Variants in INSC observed in about 807,000 individuals in gnomAD.
The protein encoded by INSC is protein inscuteable homolog.
Under a neutral mutation model 58.6 loss-of-function variants are expected in INSC, and 67 were observed. That is an observed-to-expected ratio of 1.14 (90% CI 0.94 to 1.40). INSC has a LOEUF of 1.40. INSC is among the 40% of genes most tolerant of loss of function. The probability of loss-of-function intolerance (pLI) is 0.00; values close to 1 mark genes in which losing one functional copy is unlikely to be tolerated. For missense variants in INSC, 714 were observed against 692.0 expected (o/e 1.03, Z -0.36); for synonymous variants, 262 against 276.1 (o/e 0.95, Z 0.51).
intron 1 of INSC, among the ~76,000 whole-genome samples, chr11:15,143,066 G>A (rs1848410570): frequency 6.6e-6 from 1 of 152,136 alleles, no homozygotes; most frequent in Non-Finnish European, 1.5e-5. Context: ...CATCCAGTCA[G>A]TGAGCAAGTG....
chr11:15,112,657 G>A (rs1175230378), upstream of INSC: 3 of 226,922 alleles, frequency 1.3e-5, no homozygotes, highest in African/African-American at 7.8e-5. Context: ...TGGGGGGGGG[G>A]CATTTATGCC....
intron 6 of INSC, among the ~76,000 whole-genome samples, chr11:15,191,752 G>C (rs954915442): frequency 2.0e-5 from 3 of 152,118 alleles, no homozygotes; most frequent in African/African-American, 7.2e-5. Context: ...CCACCAACTC[G>C]GAGGTTTGTT....
At chr11:15,235,454 G>T (rs1852084938) in intron 9 of INSC, 148 bp from the exon 10 acceptor site, 1 of 704,798 alleles carries the variant, frequency 1.4e-6, no homozygotes, top group Non-Finnish European at 2.6e-6. Context: ...AAGGATGGAA[G>T]AAAATGCCGT....
downstream of INSC, among the ~76,000 whole-genome samples, chr11:15,249,862 T>C (rs1181897466): frequency 1.3e-5 from 2 of 152,246 alleles, no homozygotes; most frequent in Non-Finnish European, 2.9e-5. Flanking sequence ...TATGTGGCCT[T>C]AGGCCTTCAT....
At position 15,177,144 on chromosome 11, in the gene INSC, C is replaced by A; in HGVS notation, c.436C>A (p.Leu146Ile). The A allele has an allele frequency of 6.2e-7, 1 of 1,614,074 alleles. No homozygotes were observed. Reference protein sequence around the residue: ...EKLLMEKCSELSAVTERCLQV... With the variant: ...EKLLMEKCSEISAVTERCLQV... ...GCTGCTAATGGAGAAATGCTCGGAG[C>A]TCTCGGCAGTCACAGAGAGGTAAAT... The change falls in exon 4 of 13, where the codon CTC becomes ATC. Residue 146 changes from leucine to isoleucine, a missense_variant. By Grantham distance (5) the Leu-to-Ile change is conservative. Transcript: ENST00000379556.
intron 1 of INSC, among the ~76,000 whole-genome samples, chr11:15,132,381 G>T (rs771371316): frequency 2.0e-5 from 3 of 152,216 alleles, no homozygotes; most frequent in Non-Finnish European, 4.4e-5. Context: ...AACCTCCTGG[G>T]CTCAAATGAT....
intron 7 of INSC, among the ~76,000 whole-genome samples, chr11:15,202,190 C>T (rs762793990): frequency 6.6e-6 from 1 of 152,018 alleles, no homozygotes; most frequent in Non-Finnish European, 1.5e-5. Flanking sequence ...AGAGTGCCCG[C>T]TTCCCACCGG....
At chr11:15,259,726 T>C in the INSC span, among the ~76,000 whole-genome samples, 1 of 152,188 alleles carries the variant, frequency 6.6e-6, no homozygotes, top group African/African-American at 2.4e-5. Flanking sequence ...TCAAAGAGAT[T>C]AGATGTTTTT....
intron 7 of INSC, among the ~76,000 whole-genome samples, chr11:15,217,012 T>C (rs1460928375): frequency 6.6e-6 from 1 of 152,220 alleles, no homozygotes; most frequent in Non-Finnish European, 1.5e-5. Flanking sequence ...ATGAGATTGG[T>C]ATTATTCCTG....
At chr11:15,139,109 A>G (rs1848311786) in intron 1 of INSC, among the ~76,000 whole-genome samples, 2 of 152,204 alleles carry the variant, frequency 1.3e-5, no homozygotes, top group Non-Finnish European at 2.9e-5. Flanking sequence ...CATTTTCCCA[A>G]GGGTATAAAG....
chr11:15,216,792 G>T lies in INSC; in HGVS notation c.820-4685G>T, dbSNP rs560629924. ...AGTGTGCAGAAAGGACTTCTGGAGA[G>T]AAGCCCAGTGAGGAGGCTGGGACAG... On this transcript the variant is annotated intron_variant, in intron 7 of 12. Transcript: ENST00000379556. Among the ~76,000 whole-genome samples the T allele has an allele frequency of 3.9e-5, 6 of 152,260 alleles. No individual in the cohort carries two copies. The South Asian group carries it at 1.0e-3, about 26-fold the overall frequency.
chr11:15,199,836 G>A (rs1054877993), intron 6 of INSC, among the ~76,000 whole-genome samples: 10 of 152,162 alleles, frequency 6.6e-5, no homozygotes, highest in African/African-American at 1.9e-4. Flanking sequence ...TGGGCAAAGC[G>A]AGATGTGGGA....
At chr11:15,114,716 C>G (rs58558919), upstream of INSC, among the ~76,000 whole-genome samples, 6,295 of 152,312 alleles carry the variant, frequency 0.041, 265 homozygotes, top group African/African-American at 0.11. Context: ...TGTTTCCCCC[C>G]CCAGGGGCAC....
rs530924963 is a variant in INSC at position 15,124,437 on chromosome 11, A to G, written c.-46+9434A>G. ...TTAGGCTCCTTATTCAGGTAGATAT[A>G]AGATAGACTGGGCTTTGCAGAGGTG... On this transcript the variant is annotated intron_variant, in intron 1 of 12. Transcript: ENST00000379556. Among the ~76,000 whole-genome samples, 35 of 152,314 alleles carry G rather than the reference A, an allele frequency of 2.3e-4. No individual in the cohort carries two copies. In the South Asian group the frequency reaches 6.4e-3, roughly 28 times the overall value.
chr11:15,170,804 A>G (rs1849370209), intron 2 of INSC, among the ~76,000 whole-genome samples: 1 of 152,172 alleles, frequency 6.6e-6, no homozygotes. Context: ...ATAGGGATAT[A>G]CAGACACACA....
At position 15,207,361 on chromosome 11, in the gene INSC, G is replaced by A. The variant is rs75933000; in HGVS notation, c.819+6412G>A. Among the ~76,000 whole-genome samples the A allele has an allele frequency of 8.6e-4, 131 of 152,264 alleles. 1 individual carries two copies. In the East Asian group the frequency reaches 0.024, roughly 28 times the overall value. On this transcript the variant is annotated intron_variant, in intron 7 of 12. Transcript: ENST00000379556. ...GTTCACTCTGTGCTGGAGCCAAGGG[G>A]GTAGTTTAATGAAAATCAATACAGA...
Position 15,190,823 on chromosome 11 carries a change from C to A in INSC, c.693+9C>A. ...GCCGCATCATAGCCAAGGTGAGCTTCATGGTTAGGGACCAAAATGGCAGGC... is the reference window on the plus strand; with the variant it reads ...GCCGCATCATAGCCAAGGTGAGCTTAATGGTTAGGGACCAAAATGGCAGGC... On this transcript the variant is annotated intron_variant, in intron 6 of 12. Coordinates refer to ENST00000379556, the MANE Select transcript of INSC (RefSeq NM_001042536.3). 6.3e-7 allele frequency: 1 copy of A among 1,595,934 alleles called. No individual in the cohort carries two copies. The highest frequency in any genetic ancestry group is 8.6e-7 in the Non-Finnish European group (1 of 1,163,532).
chr11:15,214,920 G>A (rs1024379790), intron 7 of INSC, among the ~76,000 whole-genome samples: 2 of 152,208 alleles, frequency 1.3e-5, no homozygotes, highest in African/African-American at 4.8e-5. Context: ...GACGCAGCAA[G>A]TGGGCTCCTC....
At chr11:15,128,833 C>T (rs1452489139) in intron 1 of INSC, among the ~76,000 whole-genome samples, 2 of 152,204 alleles carry the variant, frequency 1.3e-5, no homozygotes, top group Non-Finnish European at 2.9e-5. Flanking sequence ...CAGCTTTTAC[C>T]GACAGTCCAG....
Sources: allele counts gnomAD v4.1 joint callset (sites outside exome capture counted in the v4.1 genomes callset), GRCh38; gene constraint gnomAD v4.1.1; transcripts MANE v1.5; gene names NCBI Gene and HGNC (gene_info 2026-07-23, HGNC 2026-07-21).